The following PRDM16 variants were observed in gnomAD, a reference collection of about 807,000 sequenced individuals.
PRDM16 encodes histone-lysine N-methyltransferase PRDM16.
In PRDM16, 23 loss-of-function variants were observed where a neutral mutation model predicts 110.6. The observed-to-expected ratio is 0.21, with a 90% confidence interval of 0.15 to 0.29. PRDM16 has a LOEUF of 0.29. Ranked by LOEUF, PRDM16 falls within the 10% of genes least tolerant of loss-of-function variation. The probability of loss-of-function intolerance (pLI) is 1.00; values close to 1 mark genes in which losing one functional copy is unlikely to be tolerated. For missense variants in PRDM16, 1,615 were observed against 1,794.3 expected, an observed-to-expected ratio of 0.90 and a Z score of 1.81; for synonymous variants, 799 against 781.8, an observed-to-expected ratio of 1.02 and a Z score of -0.37.
intron 4 of PRDM16, among the ~76,000 whole-genome samples, chr1:3,389,918 C>CGG (rs987103040): frequency 3.3e-5 from 5 of 151,416 alleles, no homozygotes; most frequent in African/African-American, 1.2e-4. Context: ...GAGGGGCCCT[C>CGG]GGGAATCTCC....
At chr1:3,212,381 G>A (rs1343245510) in intron 2 of PRDM16, among the ~76,000 whole-genome samples, 2 of 152,106 alleles carry the variant, frequency 1.3e-5, no homozygotes, top group East Asian at 3.9e-4. Flanking sequence ...TGGGCGGTGG[G>A]GGCAGGGCTG....
chr1:3,187,479 G>A (rs377251674), intron 2 of PRDM16, among the ~76,000 whole-genome samples: 2 of 152,196 alleles, frequency 1.3e-5, no homozygotes, highest in African/African-American at 4.8e-5. Flanking sequence ...CTGGTGGCTC[G>A]TGGCTCTGGA....
At chr1:3,392,400 G>A (rs941065252) in intron 4 of PRDM16, among the ~76,000 whole-genome samples, 1 of 152,160 alleles carries the variant, frequency 6.6e-6, no homozygotes, top group Non-Finnish European at 1.5e-5. Flanking sequence ...TTCGCTTGAT[G>A]GAAAAAATTC....
chr1:3,090,412 C>G (rs574804480), intron 1 of PRDM16, among the ~76,000 whole-genome samples: 2 of 152,250 alleles, frequency 1.3e-5, no homozygotes, highest in Non-Finnish European at 2.9e-5. Context: ...GGCCGCCGTT[C>G]GGCAGGCCTG....
At chr1:3,366,943 C>T (rs1366610653) in intron 3 of PRDM16, among the ~76,000 whole-genome samples, 2 of 152,126 alleles carry the variant, frequency 1.3e-5, no homozygotes, top group Non-Finnish European at 2.9e-5. Flanking sequence ...TTTTGCTAGG[C>T]TTTGTTTTCA....
In PRDM16 at chr1:3,398,621, C is replaced by T. The variant is rs567266575; in HGVS notation, c.676+2028C>T. Among the ~76,000 whole-genome samples the T allele has an allele frequency of 1.5e-4, 23 of 152,332 alleles. No homozygotes were observed. In the South Asian group the frequency reaches 2.7e-3, roughly 18 times the overall value. On this transcript the variant is annotated intron_variant, in intron 5 of 16. Coordinates refer to ENST00000270722, the MANE Select transcript of PRDM16 (RefSeq NM_022114.4). ...AGACGCCACTTAATTGTGAACCCCT[C>T]GGCTCTCCGGGGCCATTAGGCACTG...
intron 3 of PRDM16, among the ~76,000 whole-genome samples, chr1:3,352,634 C>T (rs1014552993): frequency 3.3e-5 from 5 of 152,248 alleles, no homozygotes; most frequent in Admixed American, 1.3e-4. Flanking sequence ...AGCTTGTTCC[C>T]GAATACTTGC....
intron 1 of PRDM16, among the ~76,000 whole-genome samples, chr1:3,092,959 AG>A (rs1231757288): frequency 6.6e-6 from 1 of 152,100 alleles, no homozygotes; most frequent in Admixed American, 6.5e-5. Context: ...GGGTCCCCTC[AG>A]GCCCAGTGCT....
chr1:3,286,483 T>G (rs1297690467), intron 3 of PRDM16, among the ~76,000 whole-genome samples: 1 of 151,722 alleles, frequency 6.6e-6, no homozygotes, highest in South Asian at 2.1e-4. Flanking sequence ...TGGCCACAAT[T>G]CTCCCTCCTC....
chr1:3,378,126 G>T (rs1036469969), intron 3 of PRDM16, among the ~76,000 whole-genome samples: 1 of 152,222 alleles, frequency 6.6e-6, no homozygotes, highest in African/African-American at 2.4e-5. Context: ...TCCCCACCTG[G>T]TACAGTAAGG....
At chr1:3,257,243 G>A (rs1031925168) in intron 3 of PRDM16, among the ~76,000 whole-genome samples, 1 of 152,190 alleles carries the variant, frequency 6.6e-6, no homozygotes, top group Non-Finnish European at 1.5e-5. Context: ...GGGTGCCACT[G>A]GCACAGCTGA....
At chr1:3,119,195 G>T (rs1476435344) in intron 1 of PRDM16, among the ~76,000 whole-genome samples, 1 of 152,216 alleles carries the variant, frequency 6.6e-6, no homozygotes, top group African/African-American at 2.4e-5. Flanking sequence ...GCAGAGCCTG[G>T]CCATTTGCTT....
chr1:3,178,957 T>TCC (rs1644121201), intron 1 of PRDM16, among the ~76,000 whole-genome samples: 2 of 152,152 alleles, frequency 1.3e-5, no homozygotes, highest in Admixed American at 6.5e-5. Flanking sequence ...CCCACCTCGC[T>TCC]CCAAACACCT....
chr1:3,181,239 C>A (rs1339950797), intron 1 of PRDM16, among the ~76,000 whole-genome samples: 551 of 72,566 alleles, frequency 7.6e-3, no homozygotes, highest in African/African-American at 0.019. Context: ...CACGGTCTTA[C>A]ACACAGTCTT....
At chr1:3,142,648 G>A (rs928365062) in intron 1 of PRDM16, among the ~76,000 whole-genome samples, 7 of 152,198 alleles carry the variant, frequency 4.6e-5, no homozygotes, top group Admixed American at 2.0e-4. Context: ...GGACCCCAGG[G>A]TGCGCACAGG....
intron 14 of PRDM16, 28 bp downstream of exon 14, chr1:3,426,253 A>T (rs374229851): frequency 3.8e-4 from 607 of 1,603,888 alleles, no homozygotes; most frequent in Non-Finnish European, 4.9e-4. Context: ...GGCTGGGGAA[A>T]GTCTGGACCC....
chr1:3,106,494 G>A (rs755028304), intron 1 of PRDM16, among the ~76,000 whole-genome samples: 3 of 152,206 alleles, frequency 2.0e-5, no homozygotes, highest in African/African-American at 7.2e-5. Flanking sequence ...CACACACAGC[G>A]GGTACCTGAG....
chr1:3,363,731 G>A (rs1642759346), intron 3 of PRDM16, among the ~76,000 whole-genome samples: 1 of 152,144 alleles, frequency 6.6e-6, no homozygotes, highest in Admixed American at 6.5e-5. Context: ...CTTTTCCAAG[G>A]TGACCACAGC....
rs1642890175 is a variant in PRDM16, at chr1:3,370,702, C to T, written c.439-14450C>T. 6.6e-6 allele frequency among the ~76,000 whole-genome samples: 1 copy of T among 152,208 alleles called. No homozygotes were observed. Among genetic ancestry groups the T allele is most frequent in the Admixed American group, 6.5e-5 (1 of 15,286 alleles). ...GTCCTGTGCTCTGCCACCATGACAA[C>T]TCCTGGAATGGTGTTCCCTTGTGTC... On this transcript the variant is annotated intron_variant, in intron 3 of 16. Transcript: ENST00000270722. This position sits in a 1 kb window ranked among gnomAD's most constrained non-coding sequence, Gnocchi z 4.8.
Sources: gnomAD v4.1 joint callset for allele counts (sites outside exome capture counted in the v4.1 genomes callset) on GRCh38, gnomAD v4.1.1 for gene constraint, Gnocchi (gnomAD v3.1) non-coding constraint, MANE v1.5 for transcripts, NCBI Gene and HGNC (gene_info 2026-07-23, HGNC 2026-07-21) for gene names.